The following ARSG variants were observed in gnomAD, a reference collection of about 807,000 sequenced individuals.
The protein encoded by ARSG is arylsulfatase G.
A neutral mutation model predicts 50.5 loss-of-function variants in ARSG; 37 were observed. The ratio of observed to expected loss-of-function variants is 0.73; its 90% CI spans 0.56 to 0.96. The LOEUF (loss-of-function observed/expected upper bound fraction) is 0.96. Among genes scored for constraint, ARSG ranks in the 50% least tolerant of loss-of-function variants. The pLI is 0.00. For missense variants in ARSG, 629 were observed against 675.3 expected (o/e 0.93, Z 0.76); for synonymous variants, 225 against 254.6 (o/e 0.88, Z 1.11).
intron 8 of ARSG, among the ~76,000 whole-genome samples, chr17:68,380,771 G>A (rs900655187): frequency 6.6e-6 from 1 of 152,120 alleles, no homozygotes; most frequent in Non-Finnish European, 1.5e-5. Flanking sequence ...GGGAGTCAGT[G>A]CCCTAACTCT....
chr17:68,409,437 T>G (rs1217131742), intron 11 of ARSG, among the ~76,000 whole-genome samples: 6 of 150,868 alleles, frequency 4.0e-5, no homozygotes, highest in Non-Finnish European at 6.0e-5. Flanking sequence ...GTTGTAGATA[T>G]GCGGCGTTAT....
chr17:68,391,847 A>G (rs1243906493), intron 9 of ARSG, among the ~76,000 whole-genome samples: 2 of 152,172 alleles, frequency 1.3e-5, no homozygotes, highest in Non-Finnish European at 2.9e-5. Context: ...CTTAAGAGAT[A>G]AGCCACCAGC....
At chr17:68,287,423 G>A (rs782672324), upstream of ARSG, among the ~76,000 whole-genome samples, 14 of 152,018 alleles carry the variant, frequency 9.2e-5, no homozygotes, top group Non-Finnish European at 1.6e-4. Context: ...GCCTCCCAAA[G>A]TGATAGTATT....
chr17:68,380,230 T>A (rs951836174), intron 8 of ARSG, among the ~76,000 whole-genome samples: 15 of 151,766 alleles, frequency 9.9e-5, no homozygotes, highest in Non-Finnish European at 1.5e-5. Flanking sequence ...CCTTCCTTTC[T>A]CTCTTTCTTT....
At chr17:68,387,487 A>C (rs1033187173) in intron 9 of ARSG, among the ~76,000 whole-genome samples, 8 of 152,174 alleles carry the variant, frequency 5.3e-5, no homozygotes, top group African/African-American at 1.7e-4. Context: ...TTACCTCTAT[A>C]GATTTACCTT....
chr17:68,322,639 TAA>T (rs72085510), intron 2 of ARSG, among the ~76,000 whole-genome samples: 22 of 138,336 alleles, frequency 1.6e-4, no homozygotes, highest in Non-Finnish European at 1.5e-4. Flanking sequence ...AAAAAAAAAT[TAA>T]AAAAAAAAGA....
intron 2 of ARSG, among the ~76,000 whole-genome samples, chr17:68,315,362 C>T (rs2077029843): frequency 6.6e-6 from 1 of 151,890 alleles, no homozygotes; most frequent in Non-Finnish European, 1.5e-5. Flanking sequence ...GGCAACATAG[C>T]AAGACTTCAT....
downstream of ARSG, chr17:68,425,992 G>A (rs1359948486): frequency 2.9e-6 from 3 of 1,047,384 alleles, no homozygotes; most frequent in Non-Finnish European, 2.9e-6. Context: ...AACAGGGAAA[G>A]GGACTCTGCC....
chr17:68,335,574 A>G (rs1188078235), intron 2 of ARSG, among the ~76,000 whole-genome samples: 2 of 150,972 alleles, frequency 1.3e-5, no homozygotes, highest in Non-Finnish European at 2.9e-5. Context: ...AAAAAAAGAT[A>G]TATGTCAAAT....
chr17:68,450,087 A>G, the ARSG span, among the ~76,000 whole-genome samples: 4 of 152,246 alleles, frequency 2.6e-5, no homozygotes, highest in Non-Finnish European at 5.9e-5. Context: ...ATACTTACTG[A>G]ATAAGAATTT....
At chr17:68,345,650 C>T (rs1357614778) in intron 3 of ARSG, among the ~76,000 whole-genome samples, 5 of 152,220 alleles carry the variant, frequency 3.3e-5, no homozygotes, top group South Asian at 2.1e-4. Context: ...ACAACACTCA[C>T]ACTTTGCTTC....
intron 2 of ARSG, among the ~76,000 whole-genome samples, chr17:68,335,479 A>G (rs2077973744): frequency 6.6e-6 from 1 of 150,848 alleles, no homozygotes; most frequent in South Asian, 2.1e-4. Flanking sequence ...GCGTGAACCC[A>G]GGAGGCGGAG....
At position 68,311,071 on chromosome 17, in the gene ARSG, G is replaced by A. The variant is rs145712734; in HGVS notation, c.218+3360G>A. Reference sequence around the variant, plus strand: ...AAATTAGCCAGATGTGGCGGTGCACGGGAGAACCTGGGAGACAGAGGTTGC... The same window carrying A: ...AAATTAGCCAGATGTGGCGGTGCACAGGAGAACCTGGGAGACAGAGGTTGC... On this transcript the variant is annotated intron_variant, in intron 2 of 11. Coordinates refer to ENST00000621439, the MANE Select transcript of ARSG (RefSeq NM_001267727.2). Among the ~76,000 whole-genome samples the A allele has an allele frequency of 1.2e-3, 186 of 152,292 alleles. 2 individuals carry two copies. Among genetic ancestry groups the A allele is most frequent in the Admixed American group, 2.4e-3 (37 of 15,294 alleles).
chr17:68,273,839 T>C (rs1325103095), intron 1 of ARSG: 2 of 1,451,478 alleles, frequency 1.4e-6, no homozygotes, highest in South Asian at 1.3e-5. Flanking sequence ...GAGAAAGAAA[T>C]ATAGTTTGGC....
intron 2 of ARSG, among the ~76,000 whole-genome samples, chr17:68,341,441 T>G (rs1165650046): frequency 6.6e-6 from 1 of 152,214 alleles, no homozygotes; most frequent in East Asian, 1.9e-4. Flanking sequence ...TTTATTAGCT[T>G]CTGGTGTATC....
At chr17:68,443,829 T>G in the ARSG span, among the ~76,000 whole-genome samples, 4 of 152,358 alleles carry the variant, frequency 2.6e-5, no homozygotes, top group East Asian at 7.7e-4. Flanking sequence ...GTTGTTCCAG[T>G]GTGCTGACTC....
intron 8 of ARSG, among the ~76,000 whole-genome samples, chr17:68,373,370 C>T (rs566045495): frequency 4.6e-5 from 7 of 151,860 alleles, no homozygotes; most frequent in Non-Finnish European, 8.8e-5. Flanking sequence ...GCTGTGATTA[C>T]AGGCACCCAC....
At chr17:68,436,888 G>A in the ARSG span, among the ~76,000 whole-genome samples, 18 of 152,184 alleles carry the variant, frequency 1.2e-4, no homozygotes, top group African/African-American at 3.9e-4. Flanking sequence ...CAGCTACTTG[G>A]GAGGCTGAGG....
intron 1 of ARSG, among the ~76,000 whole-genome samples, chr17:68,266,426 GTA>G (rs1188017029): frequency 1.7e-5 from 1 of 58,098 alleles, no homozygotes; most frequent in African/African-American, 6.9e-5. Flanking sequence ...GTATATATAT[GTA>G]TATATATACT....
Sources: gnomAD v4.1 joint callset for allele counts (sites outside exome capture counted in the v4.1 genomes callset) on GRCh38, gnomAD v4.1.1 for gene constraint, MANE v1.5 for transcripts, NCBI Gene and HGNC (gene_info 2026-07-23, HGNC 2026-07-21) for gene names.